The following PAM variants were observed in gnomAD, a reference collection of about 807,000 sequenced individuals.
PAM encodes the protein peptidyl-glycine alpha-amidating monooxygenase.
In PAM, 72 loss-of-function variants were observed where a neutral mutation model predicts 122.1. That is an observed-to-expected ratio of 0.59 (90% CI 0.49 to 0.72). The LOEUF is 0.72. PAM is among the 30% of genes least tolerant of loss of function. The probability of loss-of-function intolerance (pLI) is 0.00; values close to 1 mark genes in which losing one functional copy is unlikely to be tolerated. For synonymous variants in PAM, 389 were observed against 404.4 expected, an observed-to-expected ratio of 0.96 and a Z score of 0.46; for missense variants, 1,106 against 1,183.7, an observed-to-expected ratio of 0.93 and a Z score of 0.96.
chr5:102,942,124 A>G (rs1755468837), intron 7 of PAM, among the ~76,000 whole-genome samples: 1 of 152,154 alleles, frequency 6.6e-6, no homozygotes. Context: ...ATCTGTTCCA[A>G]TGCTAAGGAA....
rs376009666 is a variant in PAM, at chr5:102,949,956, G to A, written c.779G>A (p.Arg260Gln). The A allele has an allele frequency of 1.9e-5, 30 of 1,587,118 alleles. No homozygotes were observed. The highest frequency in any genetic ancestry group is 2.7e-5 in the African/African-American group (2 of 74,358). ...AATGGACAGTGGACACTGATTGGACGGCAGAGCCCTCAGCTGCCACAGGTG... is the reference window on the plus strand; with the variant it reads ...AATGGACAGTGGACACTGATTGGACAGCAGAGCCCTCAGCTGCCACAGGTG... ...VRNGQWTLIG[R>Q]QSPQLPQAFY... is the part of the protein sequence containing the mutation. Residue 260 changes from arginine (R) to glutamine (Q), a missense_variant, in exon 11 of 26, where the codon CGG becomes CAG. Physicochemically the swap from Arg to Gln is conservative, Grantham distance 43. Around this residue, in one of 3 missense-constraint regions of PAM, gnomAD observed 670 missense variants for 690.3 expected, o/e 0.97. Coordinates refer to ENST00000438793, the MANE Select transcript of PAM (RefSeq NM_001177306.2).
At chr5:102,764,396 C>G (rs1293086016) in intron 1 of PAM, among the ~76,000 whole-genome samples, 1 of 151,878 alleles carries the variant, frequency 6.6e-6, no homozygotes, top group African/African-American at 2.4e-5. Context: ...GGATGGTCAA[C>G]AAAAACCTCT....
intron 23 of PAM, among the ~76,000 whole-genome samples, chr5:103,022,105 C>T (rs980218902): frequency 6.6e-5 from 10 of 150,596 alleles, no homozygotes; most frequent in African/African-American, 2.4e-4. Context: ...CCCCCAAGCC[C>T]ACCCCCCCAA....
At chr5:102,927,541 C>G (rs1216844248) in intron 7 of PAM, among the ~76,000 whole-genome samples, 2 of 152,094 alleles carry the variant, frequency 1.3e-5, no homozygotes, top group Non-Finnish European at 2.9e-5. Context: ...TCTCCAGCAA[C>G]TAAGTTTGGA....
intron 1 of PAM, among the ~76,000 whole-genome samples, chr5:102,775,647 A>T (rs1580905532): frequency 6.6e-6 from 1 of 152,130 alleles, no homozygotes; most frequent in Admixed American, 6.6e-5. Context: ...AGCTCCATCC[A>T]TGTCCCTGCA....
intron 3 of PAM, among the ~76,000 whole-genome samples, chr5:102,880,066 A>G (rs1331513408): frequency 2.0e-5 from 3 of 152,188 alleles, no homozygotes; most frequent in Non-Finnish European, 4.4e-5. Context: ...GGATCACTTG[A>G]GCCCATGAGT....
At chr5:102,931,135 T>C (rs1464930106) in intron 7 of PAM, among the ~76,000 whole-genome samples, 1 of 152,222 alleles carries the variant, frequency 6.6e-6, no homozygotes, top group Non-Finnish European at 1.5e-5. Context: ...ATAGTCCTCA[T>C]GAAAGGATAA....
At chr5:102,909,344 T>G (rs549399699) in intron 4 of PAM, among the ~76,000 whole-genome samples, 1 of 151,970 alleles carries the variant, frequency 6.6e-6, no homozygotes, top group East Asian at 1.9e-4. Flanking sequence ...ATAAAATAAT[T>G]CTAAAATATC....
chr5:102,862,267 CTA>C (rs1784400564), intron 1 of PAM, among the ~76,000 whole-genome samples: 2 of 145,694 alleles, frequency 1.4e-5, no homozygotes, highest in African/African-American at 5.1e-5. Flanking sequence ...GTTTTTGTAA[CTA>C]TAAGTTTTTT....
At chr5:102,794,090 C>T (rs1039652277) in intron 1 of PAM, among the ~76,000 whole-genome samples, 7 of 151,858 alleles carry the variant, frequency 4.6e-5, no homozygotes, top group African/African-American at 1.5e-4. Context: ...GGCCAGCTAC[C>T]CCCTTGAGAC....
At position 102,883,514 on chromosome 5, in the gene PAM, G is replaced by T. The variant is rs186336541; in HGVS notation, c.210+16121G>T. Reference sequence around the variant, plus strand: ...GAGTCCTTGATTTGATTCTCAGCTTGATCACTGTTGATGTATAGCAGAGCT... The same window carrying T: ...GAGTCCTTGATTTGATTCTCAGCTTTATCACTGTTGATGTATAGCAGAGCT... On this transcript the variant is annotated intron_variant, in intron 3 of 25. Transcript: ENST00000438793. Among the ~76,000 whole-genome samples, 359 of 152,088 alleles carry T rather than the reference G, an allele frequency of 2.4e-3. 1 individual carries two copies. The highest frequency in any genetic ancestry group is 7.8e-3 in the African/African-American group (325 of 41,528).
chr5:102,876,858 C>G (rs1431004813), intron 3 of PAM, among the ~76,000 whole-genome samples: 1 of 146,438 alleles, frequency 6.8e-6, no homozygotes, highest in East Asian at 2.0e-4. Context: ...TTTTTGGCAG[C>G]CTTGAGTCTT....
chr5:102,948,020 A>G (rs929562398), intron 8 of PAM, among the ~76,000 whole-genome samples: 1 of 152,020 alleles, frequency 6.6e-6, no homozygotes, highest in Non-Finnish European at 1.5e-5. Context: ...CAGACTTTCA[A>G]TGGACTGGAT....
intron 1 of PAM, among the ~76,000 whole-genome samples, chr5:102,802,244 A>G (rs72783856): frequency 2.2e-4 from 34 of 152,334 alleles, no homozygotes; most frequent in Non-Finnish European, 4.7e-4. Context: ...TTTTGGTATT[A>G]GAGTAAGCCA....
intron 4 of PAM, 121 bp downstream of exon 4, chr5:102,901,534 C>G (rs1338321176): frequency 4.5e-6 from 3 of 659,490 alleles, no homozygotes; most frequent in Non-Finnish European, 8.4e-6. Context: ...TTCTAAAATG[C>G]ATTTATCATG....
chr5:103,007,490 T>A lies in PAM; in HGVS notation c.2048T>A (p.Phe683Tyr). The change falls in exon 20 of 26, where the codon TTC becomes TAC. Residue 683 changes from phenylalanine to tyrosine, a missense_variant. Phe to Tyr is a conservative substitution (Grantham distance 22). Coordinates refer to ENST00000438793, the MANE Select transcript of PAM (RefSeq NM_001177306.2). ...GGGAGCAGTCCTCTGCCAGGCCAGT[T>A]CACTGTTCCTCACAGCTTGGCTCTT... is the stretch of plus-strand genomic sequence containing the variant. ...SSGSSPLPGQ[F>Y]TVPHSLALVP... 1 of 1,614,120 alleles carries A rather than the reference T, an allele frequency of 6.2e-7. No homozygotes were observed. The highest frequency in any genetic ancestry group is 8.5e-7 in the Non-Finnish European group (1 of 1,180,004).
chr5:102,785,121 T>C (rs1402237556), intron 1 of PAM, among the ~76,000 whole-genome samples: 1 of 152,356 alleles, frequency 6.6e-6, no homozygotes, highest in Non-Finnish European at 1.5e-5. Context: ...GTTTGTTACA[T>C]AGGTATCCCA....
At chr5:102,882,261 GGTA>G (rs1791528791) in intron 3 of PAM, among the ~76,000 whole-genome samples, 2 of 149,950 alleles carry the variant, frequency 1.3e-5, no homozygotes, top group African/African-American at 4.9e-5. Flanking sequence ...TGGATCAAAT[GGTA>G]GTTCTACTTT....
Position 102,867,324 on chromosome 5 carries a change from A to G in PAM, c.141A>G (p.Arg47=), listed in dbSNP as rs757230186. Reference sequence around the variant, plus strand: ...CCAATGAATGTCTTGGTACCACCAGACCCGTAGTTCCTATTGATTCATCAG... The same window carrying G: ...CCAATGAATGTCTTGGTACCACCAGGCCCGTAGTTCCTATTGATTCATCAG... ...PFSNECLGTT[R]PVVPIDSSDF... The change falls in exon 3 of 26, where the codon AGA becomes AGG. Residue 47 remains arginine, a synonymous_variant. Transcript: ENST00000438793. 1.2e-5 allele frequency: 19 copies of G among 1,604,184 alleles called. No homozygotes were observed. The African/African-American group carries it at 2.4e-4, about 20-fold the overall frequency.
Sources: gnomAD v4.1 joint callset for allele counts (sites outside exome capture counted in the v4.1 genomes callset) on GRCh38, gnomAD v4.1.1 for gene constraint, gnomAD v4.1.1 regional missense constraint, MANE v1.5 for transcripts, NCBI Gene and HGNC (gene_info 2026-07-23, HGNC 2026-07-21) for gene names.